ZNF75D: variants seen among roughly 807,000 people sequenced by gnomAD.
ZNF75D encodes the protein zinc finger protein 75D, also known as zinc finger protein 75.
ZNF75D carries 33 observed loss-of-function variants against 33.3 expected under a neutral mutation model. That is an observed-to-expected ratio of 0.99 (90% CI 0.75 to 1.32). The LOEUF (loss-of-function observed/expected upper bound fraction) is 1.32, where lower values mean the gene tolerates loss of function less well. Ranked by LOEUF, ZNF75D falls within the 40% of genes most tolerant of loss-of-function variation. The pLI is 0.00. For synonymous variants in ZNF75D, 113 were observed against 130.6 expected, an observed-to-expected ratio of 0.87 and a Z score of 0.92; for missense variants, 338 against 367.5, an observed-to-expected ratio of 0.92 and a Z score of 0.66.
At chrX:135,282,684 C>T (rs1421225692), downstream of ZNF75D, among the ~76,000 whole-genome samples, 3 of 111,453 alleles carry the variant, frequency 2.7e-5, no homozygotes, top group African/African-American at 9.8e-5. Flanking sequence ...AGTATCTGGG[C>T]TGGAATGCAC....
At chrX:135,306,752 G>A (rs1428374690) in intron 1 of ZNF75D, among the ~76,000 whole-genome samples, 6 of 112,456 alleles carry the variant, frequency 5.3e-5, no homozygotes, top group African/African-American at 1.9e-4. Flanking sequence ...TTGCATGTGT[G>A]TTTTCCTTGT....
intron 2 of ZNF75D, among the ~76,000 whole-genome samples, chrX:135,253,915 TG>T (rs1437922072): frequency 1.1e-5 from 1 of 87,460 alleles, no homozygotes. Context: ...ACAGTTGGCC[TG>T]GGGGTTTGGG....
At chrX:135,309,437 T>C (rs2084330825) in intron 1 of ZNF75D, 2 of 296,496 alleles carry the variant, frequency 6.7e-6, no homozygotes, top group Non-Finnish European at 1.2e-5. Flanking sequence ...TCAGGCTTCC[T>C]TGGTTGTGCT....
At chrX:135,259,315 T>G (rs1474864152) in intron 1 of ZNF75D, among the ~76,000 whole-genome samples, 1 of 112,026 alleles carries the variant, frequency 8.9e-6, no homozygotes, top group Non-Finnish European at 1.9e-5. Flanking sequence ...AAAGTAATTT[T>G]TTCCAATTCT....
At chrX:135,283,178 C>A (rs1282096024), downstream of ZNF75D, among the ~76,000 whole-genome samples, 1 of 111,854 alleles carries the variant, frequency 8.9e-6, no homozygotes, top group Non-Finnish European at 1.9e-5. Flanking sequence ...TATCCCTCTA[C>A]TGCTCTCAAA....
At chrX:135,335,716 G>A (rs1315420043) in intron 1 of ZNF75D, among the ~76,000 whole-genome samples, 1 of 111,895 alleles carries the variant, frequency 8.9e-6, no homozygotes, top group Non-Finnish European at 1.9e-5. Context: ...TGTGCTATAT[G>A]CATGTCTGTG....
In ZNF75D at chrX:135,343,704, C is replaced by T. The variant is rs2084812671; in HGVS notation, c.-2327G>A. 8.9e-6 allele frequency: 1 copy of T among 111,882 alleles called. No individual in the cohort carries two copies. Among genetic ancestry groups the T allele is most frequent in the Non-Finnish European group, 1.9e-5 (1 of 53,082 alleles). The allele number at this position is 111,882 out of a possible 1,213,427, so 9.2% of individuals were successfully genotyped here. A position where few individuals can be genotyped will look rare whatever the true frequency, so the allele number is the denominator to read the frequency against. ...AGACGCCACAGTCAGGCTTCCAGAC[C>T]ACCTTGGCCCCGAAACCAGTTGTGC... On this transcript the variant is annotated 5_prime_UTR_variant, in exon 1 of 7. Coordinates refer to ENST00000370766, the MANE Select transcript of ZNF75D (RefSeq NM_007131.5).
At chrX:135,338,205 C>T in intron 1 of ZNF75D, among the ~76,000 whole-genome samples, 1 of 111,136 alleles carries the variant, frequency 9.0e-6, no homozygotes, top group Non-Finnish European at 1.9e-5. Flanking sequence ...CTTCCCCTTC[C>T]TGTTCTGCAC....
intron 1 of ZNF75D, among the ~76,000 whole-genome samples, chrX:135,303,889 C>G (rs2084252693): frequency 8.9e-6 from 1 of 112,647 alleles, no homozygotes. Context: ...TATGCCTGGT[C>G]TAATTCAACT....
intron 1 of ZNF75D, among the ~76,000 whole-genome samples, chrX:135,268,495 A>G (rs1476001050): frequency 1.8e-5 from 2 of 110,543 alleles, no homozygotes; most frequent in Admixed American, 9.7e-5. Flanking sequence ...AATTAGTCCC[A>G]TTTACAATAC....
chrX:135,329,168 T>C lies in ZNF75D; in HGVS notation c.-391+12600A>G, dbSNP rs529831302. The stretch of plus-strand genomic sequence containing the variant: ...TAGACCTTGTTTTCTGCATTTACTT[T>C]TATATATGGCTCCATGAAGAAACAA... On this transcript the variant is annotated intron_variant, in intron 1 of 6. Coordinates refer to ENST00000370766, the MANE Select transcript of ZNF75D (RefSeq NM_007131.5). Among the ~76,000 whole-genome samples, 323 of 112,848 alleles carry C rather than the reference T, an allele frequency of 2.9e-3. 1 individual carries two copies. Among genetic ancestry groups the C allele is most frequent in the Middle Eastern group, 0.014 (3 of 219 alleles).
At chrX:135,333,493 C>A (rs1220983571) in intron 1 of ZNF75D, among the ~76,000 whole-genome samples, 3 of 111,920 alleles carry the variant, frequency 2.7e-5, no homozygotes, top group Non-Finnish European at 5.6e-5. Context: ...ACTTTTCCCA[C>A]AACCAGCACC....
intron 1 of ZNF75D, among the ~76,000 whole-genome samples, chrX:135,318,094 T>A (rs1159955258): frequency 2.8e-5 from 3 of 105,492 alleles, no homozygotes; most frequent in Non-Finnish European, 5.9e-5. Context: ...TATATTTTTT[T>A]TTTTTTTTTG....
At chrX:135,268,043 T>C (rs2083869302) in intron 1 of ZNF75D, among the ~76,000 whole-genome samples, 3 of 106,917 alleles carry the variant, frequency 2.8e-5, no homozygotes, top group Non-Finnish European at 5.8e-5. Flanking sequence ...ATGTTAAAAG[T>C]GCATTTCATA....
At chrX:135,331,203 T>C (rs2084647079) in intron 1 of ZNF75D, among the ~76,000 whole-genome samples, 2 of 111,294 alleles carry the variant, frequency 1.8e-5, no homozygotes, top group African/African-American at 3.3e-5. Flanking sequence ...CATTTTAATA[T>C]AGGGAACAGC....
intron 1 of ZNF75D, among the ~76,000 whole-genome samples, chrX:135,303,759 C>T (rs1415391689): frequency 2.7e-5 from 3 of 112,590 alleles, no homozygotes; most frequent in Admixed American, 1.9e-4. Context: ...CCCCAGATGC[C>T]CACCAGCAAC....
rs1428302042 is a variant in ZNF75D, at chrX:135,264,390, C to G, written n.828-8613G>C. 3.6e-5 allele frequency among the ~76,000 whole-genome samples: 4 copies of G among 111,499 alleles called. No homozygotes were observed. The South Asian group carries it at 1.1e-3, about 32-fold the overall frequency. ...GTGTGGGTGCGGCCACAGAGCCAAA[C>G]CATAATAAATGCCTTCCCCAGAAGG... is the stretch of plus-strand genomic sequence containing the variant. On this transcript the variant is annotated intron_variant and non_coding_transcript_variant, in intron 1 of 3. Coordinates refer to the ZNF75D transcript ENST00000494295.
chrX:135,265,940 C>T (rs999908698), intron 1 of ZNF75D, among the ~76,000 whole-genome samples: 6 of 111,816 alleles, frequency 5.4e-5, no homozygotes, highest in African/African-American at 1.9e-4. Context: ...TAAGACATAA[C>T]AAGAAACAAT....
chrX:135,299,888 A>G (rs2084190531), intron 1 of ZNF75D, among the ~76,000 whole-genome samples: 1 of 112,067 alleles, frequency 8.9e-6, no homozygotes, highest in Non-Finnish European at 1.9e-5. Flanking sequence ...TCCCTATTAA[A>G]TTGTTTTGGC....
Sources: allele counts gnomAD v4.1 joint callset (sites outside exome capture counted in the v4.1 genomes callset), GRCh38; gene constraint gnomAD v4.1.1; transcripts MANE v1.5; gene names NCBI Gene and HGNC (gene_info 2026-07-23, HGNC 2026-07-21).